The following SH3RF3 variants were observed in gnomAD, a reference collection of about 807,000 sequenced individuals.
SH3RF3 encodes the protein E3 ubiquitin-protein ligase SH3RF3.
Under a neutral mutation model 66.3 loss-of-function variants are expected in SH3RF3, and 29 were observed. The observed-to-expected ratio is 0.44, with a 90% confidence interval of 0.33 to 0.60. The LOEUF is 0.60. Among genes scored for constraint, SH3RF3 ranks in the 20% least tolerant of loss-of-function variants. The probability of loss-of-function intolerance (pLI) is 0.04; values close to 1 mark genes in which losing one functional copy is unlikely to be tolerated. For missense variants in SH3RF3, 1,194 were observed against 1,190.9 expected (o/e 1.00, Z -0.04); for synonymous variants, 583 against 532.0 (o/e 1.10, Z -1.32).
intron 8 of SH3RF3, among the ~76,000 whole-genome samples, chr2:109,485,553 C>G (rs1559108655): frequency 6.6e-6 from 1 of 152,102 alleles, no homozygotes; most frequent in African/African-American, 2.4e-5. Flanking sequence ...TTAATCATAA[C>G]AAAAAAATCT....
At chr2:109,329,767 C>T (rs541581885) in intron 1 of SH3RF3, among the ~76,000 whole-genome samples, 1 of 152,326 alleles carries the variant, frequency 6.6e-6, no homozygotes, top group South Asian at 2.1e-4. Context: ...GCTGGAGATG[C>T]CTTTTCTTAC....
chr2:109,233,595 G>A (rs1467757326), intron 1 of SH3RF3, among the ~76,000 whole-genome samples: 2 of 152,202 alleles, frequency 1.3e-5, no homozygotes, highest in Non-Finnish European at 2.9e-5. Context: ...TGGTGTCCAG[G>A]CTTGAGGGTG....
chr2:109,243,371 A>G (rs759730651), intron 1 of SH3RF3, among the ~76,000 whole-genome samples: 39 of 152,204 alleles, frequency 2.6e-4, no homozygotes, highest in Non-Finnish European at 4.0e-4. Flanking sequence ...CCCTTACCAG[A>G]TATTCCCGGG....
rs1238084163 is a variant in SH3RF3, at chr2:109,490,920, C to A, written c.2464C>A (p.Leu822Met). ...GGCTGCCATCCGCCCCGAGCCCAAG[C>A]TGTTGCCCAGAGAGAGGTAAGTGCA... ...SMAAIRPEPK[L>M]LPRERYRVVV... The change falls in exon 9 of 10, where the codon CTG (leucine) becomes ATG (methionine). Residue 822 changes from leucine (L) to methionine (M), a missense_variant. Leu to Met is a conservative substitution (Grantham distance 15). Transcript: ENST00000309415. 31 of 1,502,924 alleles carry A rather than the reference C, an allele frequency of 2.1e-5. No homozygotes were observed. Among genetic ancestry groups the A allele is most frequent in the Non-Finnish European group, 2.8e-5 (31 of 1,125,650 alleles). The allele number at this position is 1,502,924 out of a possible 1,614,324, so 93.1% of individuals were successfully genotyped here.
intron 8 of SH3RF3, among the ~76,000 whole-genome samples, chr2:109,472,007 C>T (rs1025697693): frequency 6.6e-6 from 1 of 152,132 alleles, no homozygotes. Context: ...AGTCCTGGGC[C>T]CCCTGCACTG....
chr2:109,435,912 G>C (rs1051362563), intron 6 of SH3RF3, among the ~76,000 whole-genome samples: 30 of 152,318 alleles, frequency 2.0e-4, no homozygotes, highest in African/African-American at 7.0e-4. Context: ...TGGGGAAGGA[G>C]GACACCACCC....
intron 8 of SH3RF3, among the ~76,000 whole-genome samples, chr2:109,474,339 G>A (rs1383283870): frequency 6.6e-6 from 1 of 152,150 alleles, no homozygotes; most frequent in Non-Finnish European, 1.5e-5. Context: ...AAACCCCTGT[G>A]GGTTTCTGTG....
At chr2:109,203,339 A>G (rs1444700543) in intron 1 of SH3RF3, among the ~76,000 whole-genome samples, 1 of 152,178 alleles carries the variant, frequency 6.6e-6, no homozygotes. Context: ...GATGCGGCGG[A>G]GCTTGCTAGT....
At chr2:109,139,769 T>G (rs1024363074) in intron 1 of SH3RF3, among the ~76,000 whole-genome samples, 3 of 152,220 alleles carry the variant, frequency 2.0e-5, no homozygotes, top group African/African-American at 4.8e-5. Flanking sequence ...AGCAGCCCAT[T>G]GAACAATGGA....
intron 5 of SH3RF3, among the ~76,000 whole-genome samples, chr2:109,424,070 G>GGTACC (rs2104537257): frequency 6.6e-6 from 1 of 152,328 alleles, no homozygotes; most frequent in African/African-American, 2.4e-5. Context: ...CATCCCCACC[G>GGTACC]GTACCGGCAT....
chr2:109,446,251 C>T (rs1419826631), intron 7 of SH3RF3, among the ~76,000 whole-genome samples: 2 of 152,124 alleles, frequency 1.3e-5, no homozygotes, highest in Non-Finnish European at 2.9e-5. Flanking sequence ...TCTGTGAAAT[C>T]GGAAGTGACA....
chr2:109,442,845 C>A, intron 7 of SH3RF3, among the ~76,000 whole-genome samples: 1 of 152,260 alleles, frequency 6.6e-6, no homozygotes, highest in Middle Eastern at 3.4e-3. Context: ...TAGGTTTAAA[C>A]CTAATCATGT....
intron 1 of SH3RF3, among the ~76,000 whole-genome samples, chr2:109,227,404 GTTC>G (rs1334496442): frequency 4.6e-5 from 7 of 152,180 alleles, no homozygotes; most frequent in South Asian, 4.1e-4. Flanking sequence ...GTAACCAGCT[GTTC>G]TTCTTACTAA....
At chr2:109,371,379 G>C (rs1221968298) in intron 2 of SH3RF3, among the ~76,000 whole-genome samples, 1 of 152,232 alleles carries the variant, frequency 6.6e-6, no homozygotes, top group East Asian at 1.9e-4. Flanking sequence ...GGCAGAGCGA[G>C]ACTCCGCCCC....
intron 1 of SH3RF3, among the ~76,000 whole-genome samples, chr2:109,234,793 C>T (rs1447587094): frequency 6.6e-6 from 1 of 152,190 alleles, no homozygotes; most frequent in East Asian, 1.9e-4. Flanking sequence ...TCACACCTGA[C>T]TTCCTGGGGA....
chr2:109,435,182 C>A (rs947630004), intron 6 of SH3RF3, among the ~76,000 whole-genome samples: 1 of 152,168 alleles, frequency 6.6e-6, no homozygotes, highest in Non-Finnish European at 1.5e-5. Context: ...GCGCCCGGGT[C>A]GGCTGCCCCC....
intron 9 of SH3RF3, among the ~76,000 whole-genome samples, chr2:109,498,141 G>A (rs376752927): frequency 2.0e-5 from 3 of 152,288 alleles, no homozygotes; most frequent in South Asian, 4.1e-4. Flanking sequence ...AGGTGCCTCC[G>A]CCTGCCCTCC....
At chr2:109,497,600 G>A (rs1301184433) in intron 9 of SH3RF3, among the ~76,000 whole-genome samples, 1 of 152,216 alleles carries the variant, frequency 6.6e-6, no homozygotes, top group Non-Finnish European at 1.5e-5. Context: ...ATCCTCAGCT[G>A]CTGACACGGA....
chr2:109,169,106 G>T (rs1365093734), intron 1 of SH3RF3, among the ~76,000 whole-genome samples: 1 of 152,184 alleles, frequency 6.6e-6, no homozygotes, highest in Non-Finnish European at 1.5e-5. Context: ...ATTCTTTGGA[G>T]CAGGATTGCT....
Sources: gnomAD v4.1 joint callset for allele counts (sites outside exome capture counted in the v4.1 genomes callset) on GRCh38, gnomAD v4.1.1 for gene constraint, MANE v1.5 for transcripts, NCBI Gene and HGNC (gene_info 2026-07-23, HGNC 2026-07-21) for gene names.